The following RABGAP1L variants were observed in gnomAD, a reference collection of about 807,000 sequenced individuals.
RABGAP1L encodes rab GTPase-activating protein 1-like.
A neutral mutation model predicts 137.7 loss-of-function variants in RABGAP1L; 63 were observed. The ratio of observed to expected loss-of-function variants is 0.46; its 90% confidence interval spans 0.37 to 0.56. The LOEUF is 0.56. RABGAP1L is among the 20% of genes least tolerant of loss of function. The pLI is 0.00. For synonymous variants in RABGAP1L, 431 were observed against 433.7 expected (o/e 0.99, Z 0.08); for missense variants, 1,095 against 1,244.0 (o/e 0.88, Z 1.80).
intron 13 of RABGAP1L, among the ~76,000 whole-genome samples, chr1:174,573,178 A>C (rs967740424): frequency 6.6e-6 from 1 of 151,814 alleles, no homozygotes; most frequent in Non-Finnish European, 1.5e-5. Flanking sequence ...TTTAGTGTGT[A>C]TATACACTAT....
At chr1:174,272,515 G>A (rs749556408) in intron 8 of RABGAP1L, 35 bp downstream of exon 8, 2 of 1,454,732 alleles carry the variant, frequency 1.4e-6, no homozygotes, top group South Asian at 1.7e-5. Context: ...ACCAAGTATA[G>A]ATGATAGTTA....
At chr1:174,422,804 T>C (rs1226883926) in intron 13 of RABGAP1L, among the ~76,000 whole-genome samples, 3 of 152,024 alleles carry the variant, frequency 2.0e-5, no homozygotes, top group Middle Eastern at 3.4e-3. Flanking sequence ...AAAAATTAGC[T>C]GGTGTGATAG....
chr1:174,555,874 A>G (rs1666846843), intron 13 of RABGAP1L, among the ~76,000 whole-genome samples: 1 of 152,142 alleles, frequency 6.6e-6, no homozygotes, highest in South Asian at 2.1e-4. Flanking sequence ...TTTGGAGTGC[A>G]AAGTTCATCA....
At chr1:174,696,384 T>C (rs749000261) in intron 15 of RABGAP1L, among the ~76,000 whole-genome samples, 6 of 152,012 alleles carry the variant, frequency 3.9e-5, no homozygotes, top group Non-Finnish European at 8.8e-5. Flanking sequence ...TACTTTTTTG[T>C]TGTTGTTTCT....
rs371041446 is a variant in RABGAP1L at position 174,612,224 on chromosome 1, T to C, written c.1711-25151T>C. On this transcript the variant is annotated intron_variant, in intron 13 of 25. Coordinates refer to ENST00000681986, the MANE Select transcript of RABGAP1L (RefSeq NM_001366446.1). ...AGATAGCTCTTATTATTTTGAGATA[T>C]GTCCCATCAATACCTAATTTATTGA... Among the ~76,000 whole-genome samples, 23 of 152,332 alleles carry C rather than the reference T, an allele frequency of 1.5e-4. No homozygotes were observed. The East Asian group carries it at 2.5e-3, about 17-fold the overall frequency.
chr1:174,972,001 T>C (rs1483184183), intron 21 of RABGAP1L, among the ~76,000 whole-genome samples: 1 of 152,252 alleles, frequency 6.6e-6, no homozygotes, highest in East Asian at 1.9e-4. Context: ...CACCAAAGGC[T>C]CTTCAGCTTT....
chr1:174,279,582 A>T (rs1675310886), intron 10 of RABGAP1L, among the ~76,000 whole-genome samples: 1 of 152,154 alleles, frequency 6.6e-6, no homozygotes, highest in Non-Finnish European at 1.5e-5. Flanking sequence ...TTTTCATATT[A>T]AAAAAACTGC....
At chr1:174,308,836 A>G (rs542993389) in intron 11 of RABGAP1L, among the ~76,000 whole-genome samples, 15 of 151,934 alleles carry the variant, frequency 9.9e-5, no homozygotes, top group Non-Finnish European at 2.2e-4. Context: ...TTTTTGCTCA[A>G]GATTGCTTCA....
At chr1:174,297,984 G>A (rs376909385) in intron 10 of RABGAP1L, among the ~76,000 whole-genome samples, 1 of 152,152 alleles carries the variant, frequency 6.6e-6, no homozygotes. Context: ...GGATGCATCC[G>A]AGGGACGTGT....
chr1:174,657,161 G>T (rs371668147), intron 14 of RABGAP1L, among the ~76,000 whole-genome samples: 1 of 152,168 alleles, frequency 6.6e-6, no homozygotes, highest in African/African-American at 2.4e-5. Context: ...TATAGTTAGG[G>T]TTACATAGTG....
At chr1:174,234,299 T>G (rs1670959357) in intron 4 of RABGAP1L, among the ~76,000 whole-genome samples, 1 of 124,782 alleles carries the variant, frequency 8.0e-6, no homozygotes, top group African/African-American at 4.1e-5. Flanking sequence ...TTTTGTCTTT[T>G]GTTGCCATTG....
chr1:174,909,440 T>C (rs1659697284), intron 19 of RABGAP1L, among the ~76,000 whole-genome samples: 1 of 152,186 alleles, frequency 6.6e-6, no homozygotes, highest in African/African-American at 2.4e-5. Flanking sequence ...TTGCTCAGGA[T>C]GGTCTTGAAC....
At chr1:174,884,903 C>T (rs1654822874) in intron 19 of RABGAP1L, among the ~76,000 whole-genome samples, 3 of 152,202 alleles carry the variant, frequency 2.0e-5, no homozygotes, top group Admixed American at 1.3e-4. Flanking sequence ...AATCACAACT[C>T]CATATTTCTT....
intron 18 of RABGAP1L, among the ~76,000 whole-genome samples, chr1:174,796,452 CA>C (rs769382269): frequency 6.8e-4 from 104 of 152,016 alleles, no homozygotes; most frequent in Non-Finnish European, 8.7e-4. Flanking sequence ...TCTCTTTTTT[CA>C]TTTCACCAAG....
At chr1:174,526,032 A>T (rs368164281) in intron 13 of RABGAP1L, among the ~76,000 whole-genome samples, 8 of 152,044 alleles carry the variant, frequency 5.3e-5, no homozygotes, top group East Asian at 1.9e-4. Flanking sequence ...ATGATTAGTG[A>T]TGTTGAACAT....
chr1:174,188,476 C>T (rs774331838), intron 1 of RABGAP1L, among the ~76,000 whole-genome samples: 5 of 152,024 alleles, frequency 3.3e-5, no homozygotes, highest in African/African-American at 7.3e-5. Context: ...TAATGTGATA[C>T]GATAAATGCT....
At chr1:174,969,251 C>A in intron 20 of RABGAP1L, 26 bp from the exon 21 acceptor site, 1 of 1,495,360 alleles carries the variant, frequency 6.7e-7, no homozygotes, top group East Asian at 2.5e-5. Context: ...CACTAATGCC[C>A]ACCTCTGGCT....
chr1:174,587,139 A>G (rs1461698846), intron 13 of RABGAP1L, among the ~76,000 whole-genome samples: 1 of 151,084 alleles, frequency 6.6e-6, no homozygotes, highest in Non-Finnish European at 1.5e-5. Context: ...TTCTTAATCC[A>G]GTCTATCATT....
At chr1:174,770,317 AT>A (rs1240559812) in intron 18 of RABGAP1L, among the ~76,000 whole-genome samples, 3 of 152,224 alleles carry the variant, frequency 2.0e-5, no homozygotes, top group Non-Finnish European at 4.4e-5. Flanking sequence ...TGGGCTTCTA[AT>A]TAGGATACTC....
Sources: allele counts gnomAD v4.1 joint callset (sites outside exome capture counted in the v4.1 genomes callset), GRCh38; gene constraint gnomAD v4.1.1; transcripts MANE v1.5; gene names NCBI Gene and HGNC (gene_info 2026-07-23, HGNC 2026-07-21).